The following COL4A4 variants were observed in gnomAD, a reference collection of about 807,000 sequenced individuals.
COL4A4 encodes collagen alpha-4(IV) chain.
In COL4A4, 105 loss-of-function variants were observed where a neutral mutation model predicts 192.9. The observed-to-expected ratio is 0.54, with a 90% CI of 0.46 to 0.64. The LOEUF (loss-of-function observed/expected upper bound fraction) is 0.64, where lower values mean the gene tolerates loss of function less well. COL4A4 is among the 30% of genes least tolerant of loss of function. COL4A4 has a pLI of 0.00. For missense variants in COL4A4, 1,967 were observed against 2,169.3 expected, an observed-to-expected ratio of 0.91 and a Z score of 1.85; for synonymous variants, 762 against 769.9, an observed-to-expected ratio of 0.99 and a Z score of 0.17.
At chr2:227,079,819 G>A (rs1221442216) in intron 24 of COL4A4, among the ~76,000 whole-genome samples, 1 of 152,192 alleles carries the variant, frequency 6.6e-6, no homozygotes, top group Non-Finnish European at 1.5e-5. Flanking sequence ...GATATTGTAA[G>A]CATTCAGAAA....
intron 22 of COL4A4, among the ~76,000 whole-genome samples, chr2:227,088,262 A>G (rs1487010728): frequency 6.6e-6 from 1 of 152,092 alleles, no homozygotes; most frequent in Non-Finnish European, 1.5e-5. Flanking sequence ...TGGCTTTGTG[A>G]CCCCACCCAA....
chr2:227,090,035 G>T (rs1054131597), intron 20 of COL4A4, 78 bp from the exon 21 acceptor site: 3 of 1,126,348 alleles, frequency 2.7e-6, no homozygotes, highest in Non-Finnish European at 1.3e-6. Context: ...AGTGACTTTT[G>T]CACTCACATC....
At chr2:227,164,447 T>A, upstream of COL4A4, 1 of 534,872 alleles carries the variant, frequency 1.9e-6, no homozygotes, top group Non-Finnish European at 3.3e-6. The surrounding 1 kb of genome is among the most constrained non-coding windows in gnomAD (Gnocchi z 4.8). Context: ...TCTCGCCTCC[T>A]GGGCACGATG....
At chr2:226,970,332 CG>C in the COL4A4 span, among the ~76,000 whole-genome samples, 2 of 151,926 alleles carry the variant, frequency 1.3e-5, no homozygotes, top group Admixed American at 1.3e-4. Flanking sequence ...AAACAGAAGA[CG>C]GTGTCTGCTT....
intron 25 of COL4A4, among the ~76,000 whole-genome samples, chr2:227,065,389 G>C (rs982858778): frequency 4.6e-5 from 7 of 152,242 alleles, no homozygotes; most frequent in Non-Finnish European, 8.8e-5. Flanking sequence ...AGCTCAAGGA[G>C]GCCTGCCTGC....
At chr2:227,144,979 A>G (rs2063453418) in intron 2 of COL4A4, among the ~76,000 whole-genome samples, 1 of 152,146 alleles carries the variant, frequency 6.6e-6, no homozygotes, top group Non-Finnish European at 1.5e-5. Flanking sequence ...AGAAGGAGGG[A>G]AGGTGGAAGG....
rs1207127546 is a variant in COL4A4 at position 227,032,011 on chromosome 2, G to A, written c.3751C>T (p.Pro1251Ser). 4 of 1,614,052 alleles carry A rather than the reference G, an allele frequency of 2.5e-6. No homozygotes were observed. Among genetic ancestry groups the A allele is most frequent in the South Asian group, 1.1e-5 (1 of 91,070 alleles). ...GGACCCGGGTCAGGAATGTCCTTAG[G>A]AGCTCTTCCTGTGGCACCTGCAGGA... is the stretch of plus-strand genomic sequence containing the variant. ...PGPAGATGRA[P>S]KDIPDPGPPG... The change falls in exon 40 of 48, where the codon CCT becomes TCT. Residue 1251 changes from proline (P) to serine (S), a missense_variant. Coordinates refer to ENST00000396625, the MANE Select transcript of COL4A4 (RefSeq NM_000092.5).
intron 37 of COL4A4, among the ~76,000 whole-genome samples, chr2:227,037,207 G>A (rs1455529362): frequency 6.6e-6 from 1 of 152,064 alleles, no homozygotes; most frequent in East Asian, 1.9e-4. Context: ...TCTGTATTAG[G>A]TATTTCTCCT....
chr2:226,968,309 A>G, the COL4A4 span, among the ~76,000 whole-genome samples: 2 of 152,320 alleles, frequency 1.3e-5, no homozygotes, highest in East Asian at 3.9e-4. Flanking sequence ...GTGATTGTGG[A>G]GGCTGACCAG....
intron 25 of COL4A4, among the ~76,000 whole-genome samples, chr2:227,075,755 A>G (rs2058989627): frequency 6.6e-6 from 1 of 152,194 alleles, no homozygotes; most frequent in African/African-American, 2.4e-5. Flanking sequence ...GTCTCAGCCC[A>G]AAAACTCCTT....
At chr2:227,129,333 G>A (rs577451364) in intron 4 of COL4A4, among the ~76,000 whole-genome samples, 5 of 151,446 alleles carry the variant, frequency 3.3e-5, no homozygotes, top group South Asian at 2.1e-4. Flanking sequence ...ACTAAATAAC[G>A]TCATCACCTA....
intron 4 of COL4A4, among the ~76,000 whole-genome samples, chr2:227,130,208 G>A (rs62277808): frequency 0.097 from 14,719 of 152,264 alleles, 1,084 homozygotes; most frequent in African/African-American, 0.21. Context: ...GGGCAACTGA[G>A]GGATTTAGCC....
intron 25 of COL4A4, among the ~76,000 whole-genome samples, chr2:227,065,562 T>C (rs993038401): frequency 1.3e-5 from 2 of 152,112 alleles, no homozygotes; most frequent in Non-Finnish European, 2.9e-5. Flanking sequence ...CTCAAGTGGG[T>C]CCCTGACCCC....
intron 44 of COL4A4, among the ~76,000 whole-genome samples, chr2:227,020,129 A>C (rs1011761130): frequency 1.3e-5 from 2 of 152,222 alleles, no homozygotes; most frequent in African/African-American, 4.8e-5. Flanking sequence ...CTTTACAAAG[A>C]GTAGAGGGAG....
Position 227,056,062 on chromosome 2 carries a change from C to T in COL4A4, c.2599G>A (p.Gly867Arg), listed in dbSNP as rs768902127. Residue 867 changes from glycine to arginine, a missense_variant, in exon 30 of 48, where the codon GGA becomes AGA. By Grantham distance (125) the Gly-to-Arg change is moderately radical. Coordinates refer to ENST00000396625, the MANE Select transcript of COL4A4 (RefSeq NM_000092.5). ...GGGAGTCCGGGGAGGCCTTTCATTC[C>T]AGCTGGCCCGGGAGGCCCCACATCT... ...PGDVGPPGPA[G>R]MKGLPGLPGR... 2 of 1,614,052 alleles carry T rather than the reference C, an allele frequency of 1.2e-6. No individual in the cohort carries two copies. Among genetic ancestry groups the T allele is most frequent in the Non-Finnish European group, 8.5e-7 (1 of 1,180,004 alleles).
Position 227,078,002 on chromosome 2 carries a change from C to T in COL4A4, c.1879G>A (p.Val627Met). ...PLGPPGKAGPVGPPGLGFPGP... is the reference protein window; with the variant it reads ...PLGPPGKAGPMGPPGLGFPGP... ...GGAAATCCCAGTCCTGGGGGCCCCACAGGTCCTGCTTTGCCTGGGGGGCCC... is the reference window on the plus strand; with the variant it reads ...GGAAATCCCAGTCCTGGGGGCCCCATAGGTCCTGCTTTGCCTGGGGGGCCC... Residue 627 changes from valine to methionine, a missense_variant, in exon 25 of 48, where the codon GTG becomes ATG. Physicochemically the swap from Val to Met is conservative, Grantham distance 21. Transcript: ENST00000396625. 2 of 1,613,980 alleles carry T rather than the reference C, an allele frequency of 1.2e-6. No homozygotes were observed. The highest frequency in any genetic ancestry group is 1.1e-5 in the South Asian group (1 of 91,070).
chr2:227,078,130 CA>C lies in COL4A4; in HGVS notation c.1804-54del, dbSNP rs1309839584. Reference sequence around the variant, plus strand: ...ACCAACCACTGAATGTCCATGAACTCAAAGCAGTCATTGTAGGTTACAGAAA... The same window carrying C: ...ACCAACCACTGAATGTCCATGAACTCAAGCAGTCATTGTAGGTTACAGAAA... On this transcript the variant is annotated intron_variant, in intron 24 of 47. Transcript: ENST00000396625. The C allele has an allele frequency of 2.5e-6, 4 of 1,583,658 alleles. No individual in the cohort carries two copies. The African/African-American group carries it at 5.4e-5, about 21-fold the overall frequency.
At chr2:227,103,765 T>C (rs1328008431) in intron 13 of COL4A4, among the ~76,000 whole-genome samples, 5 of 152,192 alleles carry the variant, frequency 3.3e-5, no homozygotes, top group Admixed American at 2.6e-4. Context: ...ACTCAGCAGC[T>C]GGGTAAACTT....
At chr2:227,074,827 CACTT>C (rs1371849704) in intron 25 of COL4A4, among the ~76,000 whole-genome samples, 1 of 152,114 alleles carries the variant, frequency 6.6e-6, no homozygotes, top group South Asian at 2.1e-4. Flanking sequence ...TGTATGTTCT[CACTT>C]ACGAGTGGGA....
Sources: gnomAD v4.1 joint callset for allele counts (sites outside exome capture counted in the v4.1 genomes callset) on GRCh38, gnomAD v4.1.1 for gene constraint, Gnocchi (gnomAD v3.1) non-coding constraint, MANE v1.5 for transcripts, NCBI Gene and HGNC (gene_info 2026-07-23, HGNC 2026-07-21) for gene names.